Variants in FAM174A observed in about 807,000 individuals in gnomAD.
FAM174A encodes family with sequence similarity 174 member A, also known as membrane protein FAM174A.
A neutral mutation model predicts 14.3 loss-of-function variants in FAM174A; 14 were observed. The observed-to-expected ratio is 0.98, with a 90% CI of 0.65 to 1.53. The LOEUF is 1.53. Ranked by LOEUF, FAM174A falls within the 40% of genes most tolerant of loss-of-function variation. The pLI, the probability that FAM174A is intolerant of heterozygous loss-of-function variation, is 0.00. For synonymous variants in FAM174A, 108 were observed against 111.4 expected (o/e 0.97, Z 0.19); for missense variants, 241 against 249.6 (o/e 0.97, Z 0.23).
chr5:100,560,822 T>C (rs1413152149), intron 1 of FAM174A, among the ~76,000 whole-genome samples: 8 of 152,048 alleles, frequency 5.3e-5, no homozygotes, highest in Admixed American at 4.6e-4. Flanking sequence ...TCTATTTATT[T>C]TCAAACTCCA....
chr5:100,558,005 C>T (rs1279011081), intron 1 of FAM174A, among the ~76,000 whole-genome samples: 1 of 152,034 alleles, frequency 6.6e-6, no homozygotes, highest in African/African-American at 2.4e-5. Context: ...ACTCTTGCTT[C>T]TCTAGTTCTT....
intron 2 of FAM174A, among the ~76,000 whole-genome samples, chr5:100,571,889 A>T (rs1480569392): frequency 2.6e-5 from 4 of 151,804 alleles, no homozygotes; most frequent in Non-Finnish European, 2.9e-5. Flanking sequence ...CTATAGTTAC[A>T]TGTGTTATAT....
chr5:100,536,568 A>G (rs763183712), intron 1 of FAM174A, among the ~76,000 whole-genome samples: 1 of 152,184 alleles, frequency 6.6e-6, no homozygotes, highest in Non-Finnish European at 1.5e-5. Flanking sequence ...TTAATCTGCC[A>G]CCTAAGTGGC....
At chr5:100,581,270 C>A in intron 2 of FAM174A, 1 of 621,796 alleles carries the variant, frequency 1.6e-6, no homozygotes, top group Non-Finnish European at 2.0e-6. Flanking sequence ...CCTTCTACAA[C>A]TTCTATATCA....
chr5:100,539,084 TA>T (rs1561310921), intron 1 of FAM174A, among the ~76,000 whole-genome samples: 2 of 152,076 alleles, frequency 1.3e-5, no homozygotes, highest in South Asian at 4.1e-4. Flanking sequence ...CTACTTTTTT[TA>T]AAAAAAATCT....
chr5:100,550,753 A>T (rs1746246236), intron 1 of FAM174A, among the ~76,000 whole-genome samples: 1 of 152,188 alleles, frequency 6.6e-6, no homozygotes, highest in Non-Finnish European at 1.5e-5. Flanking sequence ...TTTCCTGAGG[A>T]AGTTATATTT....
chr5:100,543,795 ACAT>A (rs1287126551), intron 1 of FAM174A, among the ~76,000 whole-genome samples: 1 of 152,134 alleles, frequency 6.6e-6, no homozygotes, highest in Non-Finnish European at 1.5e-5. Context: ...TTATGCAAGT[ACAT>A]TTTTCAAGGA....
At chr5:100,559,693 T>A (rs1438788850) in intron 1 of FAM174A, among the ~76,000 whole-genome samples, 1 of 152,100 alleles carries the variant, frequency 6.6e-6, no homozygotes, top group Non-Finnish European at 1.5e-5. Flanking sequence ...TTCATGTCAT[T>A]CATTTGATCT....
chr5:100,535,559 T>G lies in FAM174A; in HGVS notation c.29T>G (p.Leu10Arg). 6.2e-7 allele frequency: 1 copy of G among 1,613,206 alleles called. No homozygotes were observed. The highest frequency in any genetic ancestry group is 8.5e-7 in the Non-Finnish European group (1 of 1,179,962). The change falls in exon 1 of 3, where the codon CTC becomes CGC. Residue 10 changes from leucine to arginine, a missense_variant. Coordinates refer to ENST00000312637, the MANE Select transcript of FAM174A (RefSeq NM_198507.3). MKASQCCCC[L>R]SHLLASVLLL... ...AAGGCCTCGCAGTGCTGCTGCTGTC[T>G]CAGCCACCTCTTGGCTTCCGTCCTC...
chr5:100,585,499 C>T (rs1318902550), intron 2 of FAM174A, among the ~76,000 whole-genome samples: 2 of 152,072 alleles, frequency 1.3e-5, no homozygotes, highest in East Asian at 1.9e-4. Context: ...CTGCAGCCTC[C>T]GCCTCCCGAG....
intron 1 of FAM174A, among the ~76,000 whole-genome samples, chr5:100,541,800 G>A (rs1277946671): frequency 6.6e-6 from 1 of 152,034 alleles, no homozygotes; most frequent in Non-Finnish European, 1.5e-5. Context: ...GCAGAAGATG[G>A]TTAATAAGCA....
intron 1 of FAM174A, among the ~76,000 whole-genome samples, chr5:100,539,933 TA>T (rs1380973069): frequency 6.6e-6 from 1 of 152,214 alleles, no homozygotes; most frequent in East Asian, 1.9e-4. Flanking sequence ...TTGATCATCA[TA>T]TTTGTGCCAA....
chr5:100,537,067 A>G (rs946365806), intron 1 of FAM174A, among the ~76,000 whole-genome samples: 3 of 152,210 alleles, frequency 2.0e-5, no homozygotes, highest in African/African-American at 7.2e-5. Flanking sequence ...ACTAATCTTT[A>G]AGAAACTGCT....
intron 1 of FAM174A, among the ~76,000 whole-genome samples, chr5:100,560,187 G>A (rs1034469677): frequency 6.6e-6 from 1 of 152,098 alleles, no homozygotes; most frequent in Non-Finnish European, 1.5e-5. Flanking sequence ...TCAGCTGCAG[G>A]TCTATTGGAG....
intron 1 of FAM174A, among the ~76,000 whole-genome samples, chr5:100,559,362 T>C (rs923365475): frequency 1.1e-4 from 17 of 152,132 alleles, no homozygotes; most frequent in East Asian, 3.9e-4. Flanking sequence ...TCTCTGGCTG[T>C]GCTTAACATT....
chr5:100,537,434 T>A (rs1018152429), intron 1 of FAM174A, among the ~76,000 whole-genome samples: 1 of 152,192 alleles, frequency 6.6e-6, no homozygotes, highest in Non-Finnish European at 1.5e-5. Flanking sequence ...TTATTTTAAA[T>A]CAGTTGATAA....
In FAM174A at chr5:100,566,479, G is replaced by A. The variant is rs116590600; in HGVS notation, c.569+4291G>A. 7.8e-3 allele frequency among the ~76,000 whole-genome samples: 1,183 copies of A among 151,688 alleles called. 23 individuals are homozygous for A. Among genetic ancestry groups the A allele is most frequent in the African/African-American group, 0.027 (1,136 of 41,420 alleles). On this transcript the variant is annotated intron_variant, in intron 2 of 2. Transcript: ENST00000312637. ...AAAATGAGTAAGTTCATTTATGCAA[G>A]ATGAATAAGCTATGCAAGATGAATA...
intron 1 of FAM174A, among the ~76,000 whole-genome samples, chr5:100,547,003 GT>G (rs1746176230): frequency 6.6e-6 from 1 of 151,948 alleles, no homozygotes; most frequent in African/African-American, 2.4e-5. Context: ...TCATGTTCCT[GT>G]GTGCATATAT....
chr5:100,570,185 T>TA (rs1004000100), intron 2 of FAM174A, among the ~76,000 whole-genome samples: 1 of 151,912 alleles, frequency 6.6e-6, no homozygotes, highest in Non-Finnish European at 1.5e-5. Context: ...TTCTACCACA[T>TA]AACAGCATTT....
Sources: allele counts gnomAD v4.1 joint callset (sites outside exome capture counted in the v4.1 genomes callset), GRCh38; gene constraint gnomAD v4.1.1; transcripts MANE v1.5; gene names NCBI Gene and HGNC (gene_info 2026-07-23, HGNC 2026-07-21).